The following TTLL7 variants were observed in gnomAD, a reference collection of about 807,000 sequenced individuals.
TTLL7 encodes the protein tubulin tyrosine ligase like 7, also known as tubulin polyglutamylase TTLL7.
In TTLL7, 53 loss-of-function variants were observed where a neutral mutation model predicts 120.2. The ratio of observed to expected loss-of-function variants is 0.44; its 90% CI spans 0.35 to 0.55. The LOEUF is 0.55. TTLL7 is among the 20% of genes least tolerant of loss of function. The pLI is 0.00. For synonymous variants in TTLL7, 353 were observed against 351.7 expected (o/e 1.00, Z -0.04); for missense variants, 803 against 1,054.7 (o/e 0.76, Z 3.31).
intron 19 of TTLL7, among the ~76,000 whole-genome samples, chr1:83,889,568 T>A (rs762917527): frequency 6.6e-6 from 1 of 152,040 alleles, no homozygotes; most frequent in African/African-American, 2.4e-5. Flanking sequence ...ATATAAAACC[T>A]GACTCAAATT....
chr1:83,898,732 T>C (rs1008352146), intron 18 of TTLL7, among the ~76,000 whole-genome samples: 10 of 151,836 alleles, frequency 6.6e-5, no homozygotes, highest in Admixed American at 5.3e-4. Context: ...AAAAATTATA[T>C]ATTAAATATA....
chr1:83,899,680 A>G (rs1236441564), intron 18 of TTLL7, among the ~76,000 whole-genome samples: 1 of 151,984 alleles, frequency 6.6e-6, no homozygotes, highest in African/African-American at 2.4e-5. Context: ...ACACAAATAC[A>G]TCGCAAGCAC....
At chr1:83,942,905 C>T (rs1157919827) in intron 6 of TTLL7, among the ~76,000 whole-genome samples, 1 of 152,274 alleles carries the variant, frequency 6.6e-6, no homozygotes, top group Non-Finnish European at 1.5e-5. Flanking sequence ...AAAAAAACAG[C>T]TGGATCTGTG....
At chr1:83,969,970 AT>A (rs1257418460) in intron 1 of TTLL7, among the ~76,000 whole-genome samples, 3 of 152,028 alleles carry the variant, frequency 2.0e-5, no homozygotes, top group Non-Finnish European at 4.4e-5. Flanking sequence ...ATATGCCTAA[AT>A]TAGGATATTA....
chr1:83,897,012 C>A (rs1296824718), intron 18 of TTLL7, among the ~76,000 whole-genome samples: 1 of 152,046 alleles, frequency 6.6e-6, no homozygotes, highest in African/African-American at 2.4e-5. Flanking sequence ...TCCATTTTCA[C>A]CTGGTGAGGG....
At position 83,907,600 on chromosome 1, in the gene TTLL7, C is replaced by T. The variant is rs368441891; in HGVS notation, c.1848G>A (p.Gly616=). 6.2e-7 allele frequency: 1 copy of T among 1,612,994 alleles called. No homozygotes were observed. Among genetic ancestry groups the T allele is most frequent in the African/African-American group, 1.3e-5 (1 of 74,834 alleles). Residue 616 remains glycine (G), a synonymous_variant, in exon 16 of 21, where the codon GGG becomes GGA. Coordinates refer to ENST00000260505, the MANE Select transcript of TTLL7 (RefSeq NM_024686.6). ...RSISAQSPSS[G]DTRPFSAQQM... ...GTTGAGCAGAAAATGGGCGGGTGTC[C>T]CCACTGGAAGGTGATTGAGCAGAGA...
chr1:83,938,279 A>C (rs1165718213), intron 7 of TTLL7, among the ~76,000 whole-genome samples: 1 of 152,210 alleles, frequency 6.6e-6, no homozygotes, highest in African/African-American at 2.4e-5. Context: ...CAAATTAATA[A>C]GAATATAGAG....
intron 18 of TTLL7, among the ~76,000 whole-genome samples, chr1:83,892,067 G>A (rs371937362): frequency 2.0e-5 from 3 of 151,560 alleles, no homozygotes; most frequent in Non-Finnish European, 2.9e-5. Context: ...GAGCTCAAGC[G>A]ATCTGCCCAC....
At chr1:83,984,038 C>T in intron 1 of TTLL7, 1 of 152,308 alleles carries the variant, frequency 6.6e-6, no homozygotes, top group Non-Finnish European at 1.5e-5. Context: ...CTACAGTGAG[C>T]CAAGATTGTG....
intron 1 of TTLL7, among the ~76,000 whole-genome samples, chr1:83,975,124 A>T (rs931655067): frequency 2.0e-5 from 3 of 152,126 alleles, no homozygotes; most frequent in Non-Finnish European, 4.4e-5. Flanking sequence ...GTTGATATTT[A>T]TTCAAGGGAA....
chr1:83,877,136 A>G (rs1172147058), intron 20 of TTLL7, among the ~76,000 whole-genome samples: 1 of 151,960 alleles, frequency 6.6e-6, no homozygotes, highest in Non-Finnish European at 1.5e-5. Flanking sequence ...TTTTATCTCT[A>G]TCTTTTGAAA....
chr1:83,873,328 C>T (rs1203829557), intron 20 of TTLL7, among the ~76,000 whole-genome samples: 1 of 152,036 alleles, frequency 6.6e-6, no homozygotes. Context: ...CTTAATATTC[C>T]ATTAATATGT....
chr1:83,965,411 C>T (rs561482103), intron 1 of TTLL7, among the ~76,000 whole-genome samples: 75 of 152,128 alleles, frequency 4.9e-4, no homozygotes, highest in African/African-American at 1.7e-3. Flanking sequence ...GAAGAAGGTG[C>T]CTGCTTCCCC....
chr1:83,975,885 A>C (rs1651423397), intron 1 of TTLL7, among the ~76,000 whole-genome samples: 1 of 152,060 alleles, frequency 6.6e-6, no homozygotes, highest in Non-Finnish European at 1.5e-5. Context: ...CCTCTAGAGG[A>C]TCATGAAATC....
intron 15 of TTLL7, among the ~76,000 whole-genome samples, chr1:83,909,976 AG>A (rs1245420148): frequency 3.9e-5 from 6 of 152,210 alleles, no homozygotes; most frequent in African/African-American, 1.4e-4. Flanking sequence ...ATGATGAAAT[AG>A]CTTACAAACT....
intron 19 of TTLL7, among the ~76,000 whole-genome samples, chr1:83,886,537 G>T (rs1287952373): frequency 6.6e-6 from 1 of 151,938 alleles, no homozygotes; most frequent in African/African-American, 2.4e-5. Context: ...TTTCAAGTAG[G>T]CATAATCCAG....
At position 83,961,647 on chromosome 1, in the gene TTLL7, G is replaced by A. The variant is rs11805933; in HGVS notation, c.-176-9260C>T. On this transcript the variant is annotated intron_variant, in intron 1 of 20. Coordinates refer to ENST00000260505, the MANE Select transcript of TTLL7 (RefSeq NM_024686.6). The stretch of plus-strand genomic sequence containing the variant: ...TCAAAGCAAATAACAGCTATAACTC[G>A]GTTACTAAGGTGACAGAAGACAAGG... Among the ~76,000 whole-genome samples, 466 of 152,128 alleles carry A rather than the reference G, an allele frequency of 3.1e-3. 2 individuals are homozygous for A. The highest frequency in any genetic ancestry group is 0.01 in the African/African-American group (430 of 41,514).
At chr1:83,954,090 C>A (rs1309142440) in intron 1 of TTLL7, among the ~76,000 whole-genome samples, 1 of 152,170 alleles carries the variant, frequency 6.6e-6, no homozygotes, top group Admixed American at 6.5e-5. Flanking sequence ...TTTTGTCCAA[C>A]ATCTTGTTAC....
intron 9 of TTLL7, among the ~76,000 whole-genome samples, chr1:83,931,656 G>C (rs1659607138): frequency 8.2e-6 from 1 of 122,440 alleles, no homozygotes; most frequent in Non-Finnish European, 2.0e-5. Flanking sequence ...CTATAACTTA[G>C]TAGGTTCCTG....
Sources: allele counts gnomAD v4.1 joint callset (sites outside exome capture counted in the v4.1 genomes callset), GRCh38; gene constraint gnomAD v4.1.1; transcripts MANE v1.5; gene names NCBI Gene and HGNC (gene_info 2026-07-23, HGNC 2026-07-21).